Variants in CDC25B observed in about 807,000 individuals in gnomAD.
CDC25B encodes the protein M-phase inducer phosphatase 2.
CDC25B carries 33 observed loss-of-function variants against 69.8 expected under a neutral mutation model. The observed-to-expected ratio is 0.47, with a 90% CI of 0.36 to 0.63. The LOEUF is 0.63. Ranked by LOEUF, CDC25B falls within the 30% of genes least tolerant of loss-of-function variation. The pLI is 0.00. For missense variants in CDC25B, 727 were observed against 809.1 expected, an observed-to-expected ratio of 0.90 and a Z score of 1.23; for synonymous variants, 341 against 314.6, an observed-to-expected ratio of 1.08 and a Z score of -0.89.
chr20:3,787,217 A>T, intron 1 of CDC25B: 1 of 634,914 alleles, frequency 1.6e-6, no homozygotes, highest in South Asian at 1.8e-5. Flanking sequence ...ATTATATAAA[A>T]CTGGCATCAG....
At chr20:3,802,577 C>A (rs761896101) in intron 11 of CDC25B, among the ~76,000 whole-genome samples, 1 of 152,200 alleles carries the variant, frequency 6.6e-6, no homozygotes, top group Non-Finnish European at 1.5e-5. Context: ...TCAAGTCAGT[C>A]CAGGCATCTG....
chr20:3,804,943 C>T lies in CDC25B; in HGVS notation c.1725C>T (p.Ser575=), dbSNP rs1172367619. The change falls in exon 16 of 16, where the codon AGC becomes AGT. Residue 575 remains serine (S), a synonymous_variant. Transcript: ENST00000245960. The part of the protein sequence containing the change: ...AGERSRRELC[S]RLQDQ ...AGCGGAGCCGGCGGGAGCTCTGTAG[C>T]CGGCTGCAGGACCAGTGAGGGGCCT... The T allele has an allele frequency of 6.2e-7, 1 of 1,612,936 alleles. No homozygotes were observed. Among genetic ancestry groups the T allele is most frequent in the East Asian group, 2.2e-5 (1 of 44,880 alleles).
At chr20:3,789,635 T>TACTA (rs926043202) in intron 1 of CDC25B, among the ~76,000 whole-genome samples, 1 of 151,986 alleles carries the variant, frequency 6.6e-6, no homozygotes, top group Non-Finnish European at 1.5e-5. Context: ...CCTCCCAAAG[T>TACTA]ACTAGGATTG....
At position 3,802,539 on chromosome 20, in the gene CDC25B, CTGGCCCTCCTT is replaced by C. The variant is rs1178015494; in HGVS notation, c.1194+164_1194+174del. On this transcript the variant is annotated intron_variant, in intron 11 of 15. Coordinates refer to ENST00000245960, the MANE Select transcript of CDC25B (RefSeq NM_021873.4). ...TTTGTTCTCACATAGACTCCTCCCT[CTGGCCCTCCTT>C]GTCTCCTGACTCCACCTCAAGTCAG... Among the ~76,000 whole-genome samples the C allele has an allele frequency of 3.3e-5, 5 of 152,178 alleles. No individual in the cohort carries two copies. In the East Asian group the frequency reaches 9.6e-4, roughly 29 times the overall value.
intron 1 of CDC25B, among the ~76,000 whole-genome samples, chr20:3,790,202 A>C (rs1415349413): frequency 1.3e-5 from 2 of 151,328 alleles, no homozygotes; most frequent in African/African-American, 4.9e-5. Flanking sequence ...GAAAAGGCAG[A>C]GATTGCAGTG....
At chr20:3,801,679 A>C in intron 8 of CDC25B, 43 bp from the exon 9 acceptor site, 1 of 1,482,356 alleles carries the variant, frequency 6.7e-7, no homozygotes, top group Non-Finnish European at 9.2e-7. Context: ...GGTTTGGCCT[A>C]TGCCTGTGGG....
At chr20:3,797,109 G>A (rs1266476615) in intron 1 of CDC25B, among the ~76,000 whole-genome samples, 1 of 152,198 alleles carries the variant, frequency 6.6e-6, no homozygotes, top group African/African-American at 2.4e-5. Flanking sequence ...GCAGAGCCGT[G>A]GAGCACTCAC....
intron 3 of CDC25B, among the ~76,000 whole-genome samples, chr20:3,799,228 C>G (rs1344460730): frequency 6.6e-6 from 1 of 152,164 alleles, no homozygotes; most frequent in Non-Finnish European, 1.5e-5. Flanking sequence ...CTGGGTTGGG[C>G]TGCAGATTGG....
chr20:3,795,283 C>G (rs2088997062), upstream of CDC25B, among the ~76,000 whole-genome samples: 1 of 152,050 alleles, frequency 6.6e-6, no homozygotes, highest in Admixed American at 6.6e-5. Context: ...ATCGCTGGAA[C>G]CCGGGTGGCG....
At position 3,796,690 on chromosome 20, in the gene CDC25B, C is replaced by T; in HGVS notation, c.159C>T (p.Thr53=). 6.5e-7 allele frequency: 1 copy of T among 1,538,810 alleles called. No homozygotes were observed. Among genetic ancestry groups the T allele is most frequent in the Non-Finnish European group, 8.7e-7 (1 of 1,153,274 alleles). ...GGGCGGCCGCTTCCTCGCCGGTCAC[C>T]ACCCTCACCCAGACCATGCACGACC... is the stretch of plus-strand genomic sequence containing the variant. ...PVRAAASSPV[T]TLTQTMHDLA... The change falls in exon 1 of 16, where the codon ACC becomes ACT. Residue 53 remains threonine (T), a synonymous_variant. Transcript: ENST00000245960.
intron 1 of CDC25B, among the ~76,000 whole-genome samples, chr20:3,790,446 T>G (rs1690439506): frequency 7.4e-6 from 1 of 135,038 alleles, no homozygotes; most frequent in African/African-American, 2.8e-5. Context: ...TGGCTCAATC[T>G]CGGCTCACTT....
rs1325852721 is a variant in CDC25B, at chr20:3,802,259, C to T, written c.1099-22C>T. 3 of 1,604,138 alleles carry T rather than the reference C, an allele frequency of 1.9e-6. No homozygotes were observed. In the Admixed American group the frequency reaches 5.0e-5, roughly 27 times the overall value. On this transcript the variant is annotated intron_variant, in intron 10 of 15. Coordinates refer to ENST00000245960, the MANE Select transcript of CDC25B (RefSeq NM_021873.4). Reference sequence around the variant, plus strand: ...GGGGCAGCCCCACCCTGACCCTGGCCTCCATCTGACTCACTTTCCAGAAAG... The same window carrying T: ...GGGGCAGCCCCACCCTGACCCTGGCTTCCATCTGACTCACTTTCCAGAAAG...
At chr20:3,798,335 TTTCA>T in intron 2 of CDC25B, 73 bp from the exon 3 acceptor site, 2 of 686,984 alleles carry the variant, frequency 2.9e-6, no homozygotes, top group Non-Finnish European at 4.5e-6. Context: ...TTTTTTTTTT[TTTCA>T]TATTGGGACA....
In CDC25B at chr20:3,798,406, C is replaced by T. The variant is rs751786689; in HGVS notation, c.329-6C>T. The T allele has an allele frequency of 5.8e-6, 9 of 1,552,146 alleles. No individual in the cohort carries two copies. In the South Asian group the frequency reaches 1.1e-4, roughly 19 times the overall value. On this transcript the variant is annotated splice_polypyrimidine_tract_variant and splice_region_variant and intron_variant, in intron 2 of 15. Coordinates refer to ENST00000245960, the MANE Select transcript of CDC25B (RefSeq NM_021873.4). ...ACTTTCAAACCAAGGTGCTCTGTCC[C>T]CTCAGGTCTCTGCATGGATTCCCCC...
intron 2 of CDC25B, 30 bp from the exon 3 acceptor site, chr20:3,798,382 C>A: frequency 1.7e-6 from 2 of 1,185,146 alleles, no homozygotes; most frequent in Middle Eastern, 2.3e-4. Flanking sequence ...AGTGCCACTA[C>A]TTTCAAACCA....
exon 1 of CDC25B, chr20:3,787,077 GC>G: frequency 2.0e-6 from 1 of 489,652 alleles, no homozygotes; most frequent in South Asian, 3.4e-5. Context: ...TTTTTTTTTT[GC>G]GGAACCTGAA....
rs536939812 is a variant in CDC25B, at chr20:3,796,660, G to A, written c.129G>A (p.Pro43=). 3.3e-6 allele frequency: 5 copies of A among 1,501,716 alleles called. No homozygotes were observed. The highest frequency in any genetic ancestry group is 3.5e-6 in the Non-Finnish European group (4 of 1,134,628). 93.0% of individuals were successfully genotyped at this position (1,501,716 alleles called of 1,614,324 possible). The part of the protein sequence containing the change: ...LLGSHGLLGS[P]VRAAASSPVT... Reference sequence around the variant, plus strand: ...GATCTCATGGCCTCCTGGGGTCCCCGGTGCGGGCGGCCGCTTCCTCGCCGG... The same window carrying A: ...GATCTCATGGCCTCCTGGGGTCCCCAGTGCGGGCGGCCGCTTCCTCGCCGG... Residue 43 remains proline, a synonymous_variant, in exon 1 of 16, where the codon CCG becomes CCA. Transcript: ENST00000245960.
upstream of CDC25B, chr20:3,795,695 C>T: frequency 1.0e-6 from 1 of 985,374 alleles, no homozygotes; most frequent in Non-Finnish European, 1.2e-6. Flanking sequence ...GGCCCCACTG[C>T]CCTCCCACCT....
At chr20:3,802,825 T>G in intron 11 of CDC25B, 85 bp from the exon 12 acceptor site, 1 of 1,154,626 alleles carries the variant, frequency 8.7e-7, no homozygotes, top group Non-Finnish European at 1.3e-6. Context: ...CCTCTGATTT[T>G]GGGAATGAAA....
Sources: gnomAD v4.1 joint callset for allele counts (sites outside exome capture counted in the v4.1 genomes callset) on GRCh38, gnomAD v4.1.1 for gene constraint, MANE v1.5 for transcripts, NCBI Gene and HGNC (gene_info 2026-07-23, HGNC 2026-07-21) for gene names.